The following RAB11FIP3 variants were observed in gnomAD, a reference collection of about 807,000 sequenced individuals.
The protein encoded by RAB11FIP3 is RAB11 family interacting protein 3.
In RAB11FIP3, 17 loss-of-function variants were observed where a neutral mutation model predicts 77.8. The ratio of observed to expected loss-of-function variants is 0.22; its 90% CI spans 0.15 to 0.33. The LOEUF is 0.33. RAB11FIP3 is among the 10% of genes least tolerant of loss of function. The pLI is 1.00. For synonymous variants in RAB11FIP3, 437 were observed against 448.2 expected (o/e 0.98, Z 0.31); for missense variants, 1,005 against 1,011.2 (o/e 0.99, Z 0.08).
intron 2 of RAB11FIP3, among the ~76,000 whole-genome samples, chr16:470,867 A>T (rs2055795576): frequency 6.6e-6 from 1 of 152,096 alleles, no homozygotes; most frequent in Non-Finnish European, 1.5e-5. Flanking sequence ...TTTTTGTATT[A>T]TTTCATCATA....
At chr16:489,696 G>A (rs2029997043) in intron 5 of RAB11FIP3, among the ~76,000 whole-genome samples, 1 of 152,228 alleles carries the variant, frequency 6.6e-6, no homozygotes, top group African/African-American at 2.4e-5. Flanking sequence ...GCCTCTTTAA[G>A]CAGCCACAAG....
Position 472,182 on chromosome 16 carries a change from G to A in RAB11FIP3, c.903+793G>A, listed in dbSNP as rs1429889690. 6.6e-6 allele frequency among the ~76,000 whole-genome samples: 1 copy of A among 152,228 alleles called. No homozygotes were observed. The highest frequency in any genetic ancestry group is 1.5e-5 in the Non-Finnish European group (1 of 68,028). On this transcript the variant is annotated intron_variant, in intron 3 of 13. Transcript: ENST00000262305. This position sits in a 1 kb window ranked among gnomAD's most constrained non-coding sequence, Gnocchi z 4.1. ...CAGGGTAGTTTTTGAGTTGCTTTTG[G>A]ACGCCACTGTACCGTGGGAGCCATG...
chr16:515,889 G>C (rs1377447482), intron 9 of RAB11FIP3, among the ~76,000 whole-genome samples: 3 of 152,170 alleles, frequency 2.0e-5, no homozygotes, highest in Non-Finnish European at 4.4e-5. Context: ...ACATACAGCT[G>C]GATCACACCC....
At position 520,201 on chromosome 16, in the gene RAB11FIP3, G is replaced by T; in HGVS notation, c.1940G>T (p.Ser647Ile). The change falls in exon 12 of 14, where the codon AGC becomes ATC. Residue 647 changes from serine (S) to isoleucine (I), a missense_variant. Transcript: ENST00000262305. ...LEAEQRRGRS[S>I]SMGLQEYHSR... ...GCCGAGCAGCGGCGGGGCCGCAGCAGCAGCATGGGCCTGCAGGAGTACCAC... is the reference window on the plus strand; with the variant it reads ...GCCGAGCAGCGGCGGGGCCGCAGCATCAGCATGGGCCTGCAGGAGTACCAC... The T allele has an allele frequency of 6.5e-7, 1 of 1,545,568 alleles. No individual in the cohort carries two copies. The highest frequency in any genetic ancestry group is 8.7e-7 in the Non-Finnish European group (1 of 1,147,784).
chr16:492,008 C>T (rs1312314795), intron 5 of RAB11FIP3, among the ~76,000 whole-genome samples: 1 of 152,156 alleles, frequency 6.6e-6, no homozygotes, highest in Admixed American at 6.5e-5. Context: ...GTAAAGGTGG[C>T]AGAAAGGTGA....
At chr16:444,965 T>C (rs1198399749) in intron 1 of RAB11FIP3, among the ~76,000 whole-genome samples, 1 of 150,234 alleles carries the variant, frequency 6.7e-6, no homozygotes, top group East Asian at 2.0e-4. Flanking sequence ...ATACAAAAAA[T>C]TAGCCAGGCA....
chr16:447,665 G>C (rs543396039), intron 1 of RAB11FIP3, among the ~76,000 whole-genome samples: 2 of 152,204 alleles, frequency 1.3e-5, no homozygotes, highest in Non-Finnish European at 2.9e-5. Context: ...GTGAACCCGG[G>C]GGGCAGAGGT....
intron 3 of RAB11FIP3, 83 bp from the exon 4 acceptor site, chr16:482,442 G>A: frequency 7.6e-7 from 1 of 1,313,104 alleles, no homozygotes. Context: ...GCCCTCTCCA[G>A]GGCCTTGCAG....
intron 2 of RAB11FIP3, among the ~76,000 whole-genome samples, chr16:469,916 T>C (rs2055779523): frequency 6.6e-6 from 1 of 152,196 alleles, no homozygotes; most frequent in Non-Finnish European, 1.5e-5. Context: ...ATCCTCTGCC[T>C]CCCTGGCTCA....
chr16:460,018 C>T (rs1185016699), intron 1 of RAB11FIP3, among the ~76,000 whole-genome samples: 3 of 151,838 alleles, frequency 2.0e-5, no homozygotes, highest in Non-Finnish European at 4.4e-5. Context: ...GCTGGGATTA[C>T]AGGCATGCGC....
chr16:502,271 C>G (rs1462263980), intron 6 of RAB11FIP3, among the ~76,000 whole-genome samples: 1 of 152,242 alleles, frequency 6.6e-6, no homozygotes, highest in African/African-American at 2.4e-5. Flanking sequence ...TTCACACTCC[C>G]TGGAGAAGCT....
chr16:492,358 G>GCCCTCCCGGGAGACCCGAGGCC (rs1567391717), intron 5 of RAB11FIP3, among the ~76,000 whole-genome samples: 3 of 90,922 alleles, frequency 3.3e-5, no homozygotes, highest in African/African-American at 1.9e-4. Context: ...CTTTGAAGAG[G>GCCCTCCCGGGAGACCCGAGGCC]GTCTTCCCGG....
chr16:512,365 C>T lies in RAB11FIP3; in HGVS notation c.1640+1565C>T, dbSNP rs531322523. Among the ~76,000 whole-genome samples the T allele has an allele frequency of 8.4e-4, 127 of 151,808 alleles. 1 individual carries two copies. Among genetic ancestry groups the T allele is most frequent in the Admixed American group, 3.6e-3 (55 of 15,252 alleles). On this transcript the variant is annotated intron_variant, in intron 9 of 13. Coordinates refer to ENST00000262305, the MANE Select transcript of RAB11FIP3 (RefSeq NM_014700.4). ...ACGCCATTCTCCCGCCTCAGCCTCC[C>T]GAGTAGCTGGGACTACAGGTGCCTG... is the stretch of plus-strand genomic sequence containing the variant.
At chr16:473,145 A>G (rs2055838432) in intron 3 of RAB11FIP3, among the ~76,000 whole-genome samples, 1 of 152,138 alleles carries the variant, frequency 6.6e-6, no homozygotes, top group African/African-American at 2.4e-5. Flanking sequence ...GGGCAGGGAA[A>G]CCTTGAGTGA....
At chr16:466,909 T>C (rs79579361) in intron 2 of RAB11FIP3, among the ~76,000 whole-genome samples, 1,965 of 152,232 alleles carry the variant, frequency 0.013, 37 homozygotes, top group African/African-American at 0.045. Context: ...AGGGCTCTCC[T>C]ATCTCACTGC....
rs2054930410 is a variant in RAB11FIP3, at chr16:425,918, C to A, written c.-89C>A. The stretch of plus-strand genomic sequence containing the variant: ...GGCGCCCCGCGCGCGCCCGCCCGCG[C>A]CGCCGAGGGGATGCCCGCGCCCGCC... On this transcript the variant is annotated 5_prime_UTR_variant, in exon 1 of 14. Coordinates refer to ENST00000262305, the MANE Select transcript of RAB11FIP3 (RefSeq NM_014700.4). 2.3e-6 allele frequency: 1 copy of A among 438,970 alleles called. No individual in the cohort carries two copies. The highest frequency in any genetic ancestry group is 3.0e-6 in the Non-Finnish European group (1 of 330,806). The allele number at this position is 438,970 out of a possible 1,614,324, so 27.2% of individuals were successfully genotyped here.
Position 425,850 on chromosome 16 carries a change from G to T in RAB11FIP3, c.-157G>T. 3.6e-6 allele frequency: 1 copy of T among 281,526 alleles called. No individual in the cohort carries two copies. The allele number at this position is 281,526 out of a possible 1,614,324, so 17.4% of individuals were successfully genotyped here. ...GCAGCTGAGGCGCGGTGCGAAGATG[G>T]GCGAGGACAGAGCAGGGCCCGAGCG... is the stretch of plus-strand genomic sequence containing the variant. On this transcript the variant is annotated 5_prime_UTR_variant, in exon 1 of 14. Transcript: ENST00000262305.
intron 5 of RAB11FIP3, among the ~76,000 whole-genome samples, chr16:496,548 C>T (rs944153728): frequency 3.3e-5 from 5 of 152,206 alleles, no homozygotes; most frequent in Middle Eastern, 3.2e-3. Context: ...CCAGGTGTGG[C>T]GCTGGCCTCT....
At chr16:508,615 C>G (rs752533508) in intron 8 of RAB11FIP3, among the ~76,000 whole-genome samples, 1 of 152,146 alleles carries the variant, frequency 6.6e-6, no homozygotes, top group Admixed American at 6.5e-5. Flanking sequence ...CTCAAGTGAT[C>G]CATCTGCCTC....
Sources: allele counts gnomAD v4.1 joint callset (sites outside exome capture counted in the v4.1 genomes callset), GRCh38; gene constraint gnomAD v4.1.1; non-coding constraint Gnocchi (gnomAD v3.1); transcripts MANE v1.5; gene names NCBI Gene and HGNC (gene_info 2026-07-23, HGNC 2026-07-21).